HHIP: variants seen among roughly 807,000 people sequenced by gnomAD.
HHIP encodes the protein hedgehog-interacting protein.
A neutral mutation model predicts 74.0 loss-of-function variants in HHIP; 12 were observed. The ratio of observed to expected loss-of-function variants is 0.16; its 90% CI spans 0.10 to 0.26. The LOEUF (loss-of-function observed/expected upper bound fraction) is 0.26, where lower values mean the gene tolerates loss of function less well. HHIP is among the 10% of genes least tolerant of loss of function. The pLI, the probability that HHIP is intolerant of heterozygous loss-of-function variation, is 1.00. For missense variants in HHIP, 788 were observed against 845.0 expected, an observed-to-expected ratio of 0.93 and a Z score of 0.84; for synonymous variants, 309 against 311.6, an observed-to-expected ratio of 0.99 and a Z score of 0.09.
chr4:144,696,879 A>G (rs1578705964), intron 4 of HHIP, among the ~76,000 whole-genome samples: 1 of 151,974 alleles, frequency 6.6e-6, no homozygotes, highest in Non-Finnish European at 1.5e-5. Flanking sequence ...TCCACTGTCA[A>G]TGAGGTACTA....
chr4:144,708,695 A>T (rs1257432104), intron 7 of HHIP, among the ~76,000 whole-genome samples: 1 of 152,218 alleles, frequency 6.6e-6, no homozygotes, highest in Non-Finnish European at 1.5e-5. Context: ...AGTTCTTTAT[A>T]TATTACATGG....
intron 11 of HHIP, among the ~76,000 whole-genome samples, chr4:144,727,292 G>A (rs779875206): frequency 6.6e-6 from 1 of 151,828 alleles, no homozygotes; most frequent in South Asian, 2.1e-4. Flanking sequence ...GGCAATAATC[G>A]CATCATGGGG....
At chr4:144,715,246 T>C in intron 9 of HHIP, 54 bp from the exon 10 acceptor site, 1 of 1,520,652 alleles carries the variant, frequency 6.6e-7, no homozygotes, top group Non-Finnish European at 9.1e-7. Flanking sequence ...CTTATTGTCA[T>C]CAATAAACAA....
intron 12 of HHIP, among the ~76,000 whole-genome samples, chr4:144,735,540 C>A (rs1731091420): frequency 6.6e-6 from 1 of 152,078 alleles, no homozygotes; most frequent in Non-Finnish European, 1.5e-5. Context: ...TGCTTAAGTT[C>A]TACTTGGTGT....
chr4:144,734,523 T>A, intron 11 of HHIP, among the ~76,000 whole-genome samples: 1 of 152,124 alleles, frequency 6.6e-6, no homozygotes. Context: ...TTAGAATGTT[T>A]AATGTGTTTA....
At chr4:144,725,106 A>T (rs190883590) in intron 11 of HHIP, among the ~76,000 whole-genome samples, 128 of 152,260 alleles carry the variant, frequency 8.4e-4, no homozygotes, top group Non-Finnish European at 1.4e-3. Flanking sequence ...TTATACTTTT[A>T]TAGTAAATTA....
chr4:144,646,616 C>T lies in HHIP; in HGVS notation c.-60C>T, dbSNP rs1252002115. 6.4e-7 allele frequency: 1 copy of T among 1,554,284 alleles called. No homozygotes were observed. Among genetic ancestry groups the T allele is most frequent in the African/African-American group, 1.4e-5 (1 of 73,788 alleles). On this transcript the variant is annotated 5_prime_UTR_variant, in exon 1 of 13. Coordinates refer to ENST00000296575, the MANE Select transcript of HHIP (RefSeq NM_022475.3). ...CTGGAGCTGCGCCCTAGTGCCCCTG[C>T]TGGGCAGTGGCGTTCCCCCCCATCC...
intron 4 of HHIP, among the ~76,000 whole-genome samples, chr4:144,684,745 T>C (rs917106843): frequency 3.3e-5 from 5 of 152,210 alleles, no homozygotes; most frequent in African/African-American, 1.2e-4. Context: ...GACATCATTA[T>C]AAGGAGCCAT....
chr4:144,736,211 C>G (rs917154191), intron 12 of HHIP, among the ~76,000 whole-genome samples: 1 of 147,168 alleles, frequency 6.8e-6, no homozygotes, highest in African/African-American at 2.5e-5. Context: ...TCTCGGCTCA[C>G]CACAACCTCC....
rs775158194 is a variant in HHIP, at chr4:144,738,966, T to A, written c.*1009T>A. ...AAAGTGCTTTTCACCATAGCAAGACTGTCAGAGTCTATGTTATTAGAATGT... is the reference window on the plus strand; with the variant it reads ...AAAGTGCTTTTCACCATAGCAAGACAGTCAGAGTCTATGTTATTAGAATGT... On this transcript the variant is annotated 3_prime_UTR_variant, in exon 13 of 13. Coordinates refer to ENST00000296575, the MANE Select transcript of HHIP (RefSeq NM_022475.3). 1 of 152,366 alleles carries A rather than the reference T, an allele frequency of 6.6e-6. No individual in the cohort carries two copies. The highest frequency in any genetic ancestry group is 1.5e-5 in the Non-Finnish European group (1 of 68,084). The allele number at this position is 152,366 out of a possible 1,614,324, so 9.4% of individuals were successfully genotyped here.
intron 11 of HHIP, among the ~76,000 whole-genome samples, chr4:144,726,511 A>G (rs1730810548): frequency 6.6e-6 from 1 of 152,224 alleles, no homozygotes; most frequent in Non-Finnish European, 1.5e-5. Flanking sequence ...ACTGTACCAT[A>G]ACCCTGTACA....
At chr4:144,672,192 GTAA>G (rs969505483) in intron 4 of HHIP, among the ~76,000 whole-genome samples, 3 of 152,016 alleles carry the variant, frequency 2.0e-5, no homozygotes, top group African/African-American at 7.3e-5. Flanking sequence ...TTTTCCCTTT[GTAA>G]TAATACAGAA....
At chr4:144,716,888 A>T (rs907477199) in intron 10 of HHIP, among the ~76,000 whole-genome samples, 1 of 118,656 alleles carries the variant, frequency 8.4e-6, no homozygotes, top group Non-Finnish European at 1.8e-5. Context: ...AAAAAAAAAA[A>T]GTAAAAGAAT....
intron 4 of HHIP, among the ~76,000 whole-genome samples, chr4:144,703,837 T>C (rs528164221): frequency 6.6e-6 from 1 of 152,188 alleles, no homozygotes; most frequent in Non-Finnish European, 1.5e-5. Flanking sequence ...GTGTGGCCTC[T>C]AACTGACCCT....
intron 4 of HHIP, among the ~76,000 whole-genome samples, chr4:144,666,717 G>A (rs996349190): frequency 6.6e-6 from 1 of 152,202 alleles, no homozygotes; most frequent in Non-Finnish European, 1.5e-5. Context: ...ACTGGTGATG[G>A]TTGGTGTCAG....
rs1337799160 is a variant in HHIP at position 144,679,228 on chromosome 4, G to GT, written c.831+19397dup. On this transcript the variant is annotated intron_variant, in intron 4 of 12. Transcript: ENST00000296575. ...CATTTGCCCACTTTTTGATGGGGCTGTTTTTTTCTTGTAAATTTGTTTAAG... is the reference window on the plus strand; with the variant it reads ...CATTTGCCCACTTTTTGATGGGGCTGTTTTTTTTCTTGTAAATTTGTTTAAG... Among the ~76,000 whole-genome samples the GT allele has an allele frequency of 2.6e-5, 4 of 151,926 alleles. No individual in the cohort carries two copies. The South Asian group carries it at 6.2e-4, about 24-fold the overall frequency.
intron 11 of HHIP, among the ~76,000 whole-genome samples, chr4:144,721,390 T>A (rs560311222): frequency 6.6e-6 from 1 of 152,182 alleles, no homozygotes; most frequent in South Asian, 2.1e-4. Context: ...CAAAAACAGA[T>A]AAGGTTCTAG....
intron 4 of HHIP, among the ~76,000 whole-genome samples, chr4:144,699,314 G>A (rs1160099713): frequency 6.6e-6 from 1 of 152,106 alleles, no homozygotes; most frequent in Non-Finnish European, 1.5e-5. Flanking sequence ...TGAAGGATAC[G>A]ACTCAGGAAC....
intron 11 of HHIP, among the ~76,000 whole-genome samples, chr4:144,731,791 G>A (rs1033863348): frequency 2.0e-5 from 3 of 152,118 alleles, no homozygotes; most frequent in Non-Finnish European, 4.4e-5. Context: ...ATGAATACTT[G>A]AAGAAGATAA....
Sources: allele counts gnomAD v4.1 joint callset (sites outside exome capture counted in the v4.1 genomes callset), GRCh38; gene constraint gnomAD v4.1.1; transcripts MANE v1.5; gene names NCBI Gene and HGNC (gene_info 2026-07-23, HGNC 2026-07-21).